The following ARFGEF3 variants were observed in gnomAD, a reference collection of about 807,000 sequenced individuals.
The protein encoded by ARFGEF3 is ARFGEF family member 3, also known as brefeldin A-inhibited guanine nucleotide-exchange protein 3.
ARFGEF3 carries 96 observed loss-of-function variants against 221.7 expected under a neutral mutation model. The ratio of observed to expected loss-of-function variants is 0.43; its 90% CI spans 0.37 to 0.51. The LOEUF (loss-of-function observed/expected upper bound fraction) is 0.51. Among genes scored for constraint, ARFGEF3 ranks in the 20% least tolerant of loss-of-function variants. The pLI, the probability that ARFGEF3 is intolerant of heterozygous loss-of-function variation, is 0.00. For synonymous variants in ARFGEF3, 1,145 were observed against 1,126.8 expected, an observed-to-expected ratio of 1.02 and a Z score of -0.32; for missense variants, 2,410 against 2,789.9, an observed-to-expected ratio of 0.86 and a Z score of 3.07.
chr6:138,171,162 G>A (rs1211046958), intron 2 of ARFGEF3, among the ~76,000 whole-genome samples: 3 of 151,700 alleles, frequency 2.0e-5, no homozygotes, highest in African/African-American at 7.3e-5. Flanking sequence ...ACGTTCATAT[G>A]ATAGCATAGC....
intron 26 of ARFGEF3, among the ~76,000 whole-genome samples, chr6:138,316,734 G>T (rs1208753335): frequency 6.6e-6 from 1 of 152,160 alleles, no homozygotes; most frequent in African/African-American, 2.4e-5. Context: ...GAAGAAAGGA[G>T]AGTAACTGTT....
At chr6:138,324,589 T>G (rs955340630) in intron 31 of ARFGEF3, among the ~76,000 whole-genome samples, 1 of 152,364 alleles carries the variant, frequency 6.6e-6, no homozygotes, top group East Asian at 1.9e-4. Context: ...TTGAGTTGAA[T>G]GTAACATTAA....
intron 5 of ARFGEF3, among the ~76,000 whole-genome samples, chr6:138,235,565 A>T (rs762319456): frequency 6.6e-6 from 1 of 152,240 alleles, no homozygotes; most frequent in Non-Finnish European, 1.5e-5. Context: ...CTTAGCTGCT[A>T]TGATTCAGTG....
Position 138,328,147 on chromosome 6 carries a change from G to A in ARFGEF3, c.5123+5G>A. 1 of 1,592,358 alleles carries A rather than the reference G, an allele frequency of 6.3e-7. No homozygotes were observed. The highest frequency in any genetic ancestry group is 8.6e-7 in the Non-Finnish European group (1 of 1,168,694). On this transcript the variant is annotated splice_donor_5th_base_variant and intron_variant, in intron 32 of 33. Coordinates refer to ENST00000251691, the MANE Select transcript of ARFGEF3 (RefSeq NM_020340.5). ...AAATGGACACACCAAGAAAAGGTAA[G>A]TACCTAAATCTCAACTCATAGGGTG...
chr6:138,194,530 C>T (rs1777372764), intron 2 of ARFGEF3, among the ~76,000 whole-genome samples: 1 of 152,162 alleles, frequency 6.6e-6, no homozygotes, highest in African/African-American at 2.4e-5. Context: ...GAGCAATTTC[C>T]ATAGGCATGT....
rs1293796751 is a variant in ARFGEF3 at position 138,291,914 on chromosome 6, C to G, written c.3229C>G (p.Pro1077Ala). The change falls in exon 19 of 34, where the codon CCT becomes GCT. Residue 1077 changes from proline to alanine, a missense_variant. Around this residue, in one of 5 missense-constraint regions of ARFGEF3, gnomAD observed 184 missense variants for 141.8 expected, o/e 1.30. Transcript: ENST00000251691. This position sits in a 1 kb window ranked among gnomAD's most constrained non-coding sequence, Gnocchi z 4.5. ...GCAGGGGCGCTCCCTGAGCACGGCC[C>G]CTGTCGTCCAGCCCCTGTCCATCCA... ...PEQGRSLSTA[P>A]VVQPLSIQDL... 4 of 1,490,558 alleles carry G rather than the reference C, an allele frequency of 2.7e-6. No homozygotes were observed. Among genetic ancestry groups the G allele is most frequent in the Non-Finnish European group, 3.6e-6 (4 of 1,116,376 alleles). 92.3% of individuals were successfully genotyped at this position (1,490,558 alleles called of 1,614,324 possible).
chr6:138,220,661 CA>C (rs1777968299), intron 4 of ARFGEF3, among the ~76,000 whole-genome samples: 1 of 152,194 alleles, frequency 6.6e-6, no homozygotes, highest in African/African-American at 2.4e-5. Flanking sequence ...CCTTTGGGTG[CA>C]AGTTCTAATA....
At chr6:138,294,238 C>G in intron 20 of ARFGEF3, 112 bp downstream of exon 20, 1 of 1,123,074 alleles carries the variant, frequency 8.9e-7, no homozygotes. Flanking sequence ...ATTGCTTACA[C>G]TCACACAAGC....
Position 138,313,935 on chromosome 6 carries a change from C to A in ARFGEF3, c.4341C>A (p.Asp1447Glu), listed in dbSNP as rs761069155. 4 of 1,613,646 alleles carry A rather than the reference C, an allele frequency of 2.5e-6. No individual in the cohort carries two copies. The South Asian group carries it at 4.4e-5, about 18-fold the overall frequency. The change falls in exon 26 of 34, where the codon GAC becomes GAA. Residue 1447 changes from aspartate (D) to glutamate (E), a missense_variant. Asp to Glu is a conservative substitution (Grantham distance 45, BLOSUM62 2). Coordinates refer to ENST00000251691, the MANE Select transcript of ARFGEF3 (RefSeq NM_020340.5). ...IESVLSDFDD[D>E]TGLIEVWIIL... The stretch of plus-strand genomic sequence containing the variant: ...CAGTCCTGTCTGATTTTGATGATGA[C>A]ACCGGTAAGCTAATTGATTGGACTA...
intron 1 of ARFGEF3, among the ~76,000 whole-genome samples, chr6:138,169,078 C>T (rs190314527): frequency 4.3e-4 from 65 of 152,308 alleles, no homozygotes; most frequent in African/African-American, 1.6e-3. Context: ...TCATTGTCTT[C>T]TTTCTAAAGA....
chr6:138,234,398 C>A (rs1016697830), intron 5 of ARFGEF3, among the ~76,000 whole-genome samples: 1 of 152,120 alleles, frequency 6.6e-6, no homozygotes, highest in Admixed American at 6.5e-5. Flanking sequence ...GGAAAACTAG[C>A]AAACTTCCCT....
At position 138,245,488 on chromosome 6, in the gene ARFGEF3, G is replaced by A. The variant is rs372871020; in HGVS notation, c.587-25G>A. 2.5e-5 allele frequency: 40 copies of A among 1,571,336 alleles called. No homozygotes were observed. In the African/African-American group the frequency reaches 2.6e-4, roughly 10 times the overall value. ...GTCGTGCCCCCTGTCGATGTCTCAT[G>A]CCTGTAACCTCCTCTGTTTTGAAGG... On this transcript the variant is annotated intron_variant, in intron 7 of 33. Transcript: ENST00000251691.
intron 5 of ARFGEF3, among the ~76,000 whole-genome samples, chr6:138,236,999 C>CT (rs55774107): frequency 0.99 from 144,862 of 145,978 alleles, 71,876 homozygotes; most frequent in South Asian, 1. Flanking sequence ...AGAAGACTGC[C>CT]TTTTTTTTTT....
chr6:138,335,142 G>A lies in ARFGEF3; in HGVS notation c.6296G>A (p.Gly2099Glu). ...AAGAGGCCCCGCTCAGGCTCCACCGGGAGCTCCCTCAGTGTCTCGGTGAGA... is the reference window on the plus strand; with the variant it reads ...AAGAGGCCCCGCTCAGGCTCCACCGAGAGCTCCCTCAGTGTCTCGGTGAGA... ...QDKRPRSGST[G>E]SSLSVSVRDA... is the part of the protein sequence containing the mutation. Residue 2099 changes from glycine (G) to glutamate (E), a missense_variant, in exon 33 of 34, where the codon GGG becomes GAG. Physicochemically the swap from Gly to Glu is moderately conservative, Grantham distance 98 (BLOSUM62 -2). Around this residue, in one of 5 missense-constraint regions of ARFGEF3, gnomAD observed 339 missense variants for 334.9 expected, o/e 1.01. Coordinates refer to ENST00000251691, the MANE Select transcript of ARFGEF3 (RefSeq NM_020340.5). 1 of 1,589,010 alleles carries A rather than the reference G, an allele frequency of 6.3e-7. No homozygotes were observed. The highest frequency in any genetic ancestry group is 8.5e-7 in the Non-Finnish European group (1 of 1,170,996).
At chr6:138,245,473 CT>C (rs779657065) in intron 7 of ARFGEF3, 39 bp from the exon 8 acceptor site, 3 of 1,437,562 alleles carry the variant, frequency 2.1e-6, no homozygotes, top group Non-Finnish European at 2.9e-6. Flanking sequence ...GTCGTGCCCC[CT>C]GTCGATGTCT....
intron 2 of ARFGEF3, among the ~76,000 whole-genome samples, chr6:138,199,301 T>A (rs1777490369): frequency 6.6e-6 from 1 of 152,238 alleles, no homozygotes; most frequent in Admixed American, 6.5e-5. Context: ...ATGATTATGA[T>A]GTGAAGAAAT....
rs763615326 is a variant in ARFGEF3 at position 138,280,017 on chromosome 6, G to A, written c.2314G>A (p.Val772Met). ...PGVMKDFMKQ[V>M]QTSGVLMVFS... The stretch of plus-strand genomic sequence containing the variant: ...TCTGTAGAAGGACTTCATGAAGCAG[G>A]TGCAGACCAGCGGCGTGCTGATGGT... The change falls in exon 14 of 34, where the codon GTG becomes ATG. Residue 772 changes from valine to methionine, a missense_variant. Around this residue, in one of 5 missense-constraint regions of ARFGEF3, gnomAD observed 594 missense variants for 734.3 expected, o/e 0.81. Coordinates refer to ENST00000251691, the MANE Select transcript of ARFGEF3 (RefSeq NM_020340.5). 2 of 1,613,810 alleles carry A rather than the reference G, an allele frequency of 1.2e-6. No homozygotes were observed. The highest frequency in any genetic ancestry group is 1.1e-5 in the South Asian group (1 of 91,084).
At chr6:138,163,293 T>G (rs762100296) in intron 1 of ARFGEF3, among the ~76,000 whole-genome samples, 23 of 152,278 alleles carry the variant, frequency 1.5e-4, no homozygotes, top group Non-Finnish European at 2.6e-4. Context: ...TTGTCTAGAA[T>G]ATTGTCTAGG....
chr6:138,318,681 T>C (rs1779968961), intron 27 of ARFGEF3, among the ~76,000 whole-genome samples: 1 of 152,206 alleles, frequency 6.6e-6, no homozygotes, highest in African/African-American at 2.4e-5. Flanking sequence ...CTAGATGAGT[T>C]TTTTCTTGTA....
Sources: allele counts gnomAD v4.1 joint callset (sites outside exome capture counted in the v4.1 genomes callset), GRCh38; gene constraint gnomAD v4.1.1; regional missense constraint gnomAD v4.1.1; non-coding constraint Gnocchi (gnomAD v3.1); transcripts MANE v1.5; gene names NCBI Gene and HGNC (gene_info 2026-07-23, HGNC 2026-07-21).